The following ITGAL variants were observed in gnomAD, a reference collection of about 807,000 sequenced individuals.
The protein encoded by ITGAL is integrin subunit alpha L, also known as integrin alpha-L.
ITGAL carries 68 observed loss-of-function variants against 138.4 expected under a neutral mutation model. The ratio of observed to expected loss-of-function variants is 0.49; its 90% confidence interval spans 0.40 to 0.60. The LOEUF (loss-of-function observed/expected upper bound fraction) is 0.60, where lower values mean the gene tolerates loss of function less well. Among genes scored for constraint, ITGAL ranks in the 20% least tolerant of loss-of-function variants. ITGAL has a pLI of 0.00. For synonymous variants in ITGAL, 561 were observed against 584.3 expected (o/e 0.96, Z 0.57); for missense variants, 1,256 against 1,478.6 (o/e 0.85, Z 2.47).
At chr16:30,479,298 C>G (rs2050520238) in intron 5 of ITGAL, 33 bp from the exon 6 acceptor site, 1 of 1,613,624 alleles carries the variant, frequency 6.2e-7, no homozygotes, top group Non-Finnish European at 8.5e-7. Flanking sequence ...ACCAGAGATG[C>G]TTCACTGGGT....
intron 6 of ITGAL, 178 bp from the exon 7 acceptor site, chr16:30,481,261 G>T: frequency 3.8e-6 from 2 of 528,324 alleles, no homozygotes; most frequent in East Asian, 3.4e-5. Flanking sequence ...CATGAAAATC[G>T]CTGGAACCCG....
intron 15 of ITGAL, among the ~76,000 whole-genome samples, chr16:30,498,152 C>G (rs980459417): frequency 6.6e-6 from 1 of 151,256 alleles, no homozygotes; most frequent in Non-Finnish European, 1.5e-5. Flanking sequence ...TGTTGAAACC[C>G]CATCTCTACT....
At chr16:30,509,708 C>A (rs1380492240) in intron 21 of ITGAL, among the ~76,000 whole-genome samples, 2 of 152,024 alleles carry the variant, frequency 1.3e-5, no homozygotes, top group Non-Finnish European at 2.9e-5. Context: ...ATAGCTGGGA[C>A]AACAGGCACG....
In ITGAL at chr16:30,484,277, C is replaced by T; in HGVS notation, c.1006+14C>T. The T allele has an allele frequency of 6.2e-7, 1 of 1,608,856 alleles. No individual in the cohort carries two copies. Among genetic ancestry groups the T allele is most frequent in the African/African-American group, 1.3e-5 (1 of 74,908 alleles). On this transcript the variant is annotated intron_variant, in intron 9 of 30. Transcript: ENST00000356798. ...ATGTCATTGAGGGTGAGTGGCAGGC[C>T]CTGGGAGAGGGCTCGGGAGTCTGCA...
Position 30,499,449 on chromosome 16 carries a change from C to A in ITGAL, c.2105C>A (p.Thr702Asn), listed in dbSNP as rs756080216. 5 of 1,613,940 alleles carry A rather than the reference C, an allele frequency of 3.1e-6. No homozygotes were observed. The South Asian group carries it at 5.5e-5, about 18-fold the overall frequency. Reference sequence around the variant, plus strand: ...GAACTCAGAAGGAATATAGCTGTCACCACCAGCATGTCATGCACTGACTTC... The same window carrying A: ...GAACTCAGAAGGAATATAGCTGTCAACACCAGCATGTCATGCACTGACTTC... ...RHELRRNIAV[T>N]TSMSCTDFSF... The change falls in exon 17 of 31, where the codon ACC (threonine) becomes AAC (asparagine). Residue 702 changes from threonine to asparagine, a missense_variant. Thr to Asn is a moderately conservative substitution (Grantham distance 65, BLOSUM62 0). Around this residue, in one of 3 missense-constraint regions of ITGAL, gnomAD observed 867 missense variants for 972.5 expected, o/e 0.89. Coordinates refer to ENST00000356798, the MANE Select transcript of ITGAL (RefSeq NM_002209.3).
In ITGAL at chr16:30,505,237, C is replaced by G. The variant is rs375073085; in HGVS notation, c.2236-7C>G. 1.3e-6 allele frequency: 2 copies of G among 1,591,816 alleles called. No individual in the cohort carries two copies. The highest frequency in any genetic ancestry group is 2.7e-5 in the African/African-American group (2 of 74,422). ...TCTCTCCATCCTGCCCACTACCCCT[C>G]GCTCAGCAGGGCAAGGACATACCGC... On this transcript the variant is annotated splice_region_variant and splice_polypyrimidine_tract_variant and intron_variant, in intron 18 of 30. Transcript: ENST00000356798.
intron 9 of ITGAL, among the ~76,000 whole-genome samples, 166 bp downstream of exon 9, chr16:30,484,429 C>A (rs2050610017): frequency 6.6e-6 from 1 of 151,296 alleles, no homozygotes; most frequent in South Asian, 2.1e-4. Flanking sequence ...GGCAACATGG[C>A]AAAACCCCAT....
chr16:30,518,025 A>C, intron 28 of ITGAL, 130 bp downstream of exon 28: 1 of 719,338 alleles, frequency 1.4e-6, no homozygotes, highest in Non-Finnish European at 2.5e-6. Context: ...TCCCATTTAC[A>C]CAGTCACAGG....
chr16:30,510,758 C>T (rs2151171078), intron 22 of ITGAL, 123 bp from the exon 23 acceptor site: 2 of 802,396 alleles, frequency 2.5e-6, no homozygotes, highest in Non-Finnish European at 4.2e-6. Context: ...AATCCTAGCT[C>T]AGTGCTTGGG....
chr16:30,507,172 A>G (rs1311641312), intron 21 of ITGAL, among the ~76,000 whole-genome samples: 1 of 151,820 alleles, frequency 6.6e-6, no homozygotes, highest in African/African-American at 2.4e-5. Flanking sequence ...AAAAAATACA[A>G]AAATGGGCCG....
rs1334361456 is a variant in ITGAL at position 30,487,968 on chromosome 16, T to G, written c.1007-1114T>G. On this transcript the variant is annotated intron_variant, in intron 9 of 30. Coordinates refer to ENST00000356798, the MANE Select transcript of ITGAL (RefSeq NM_002209.3). ...CCTGACCTCAGGTAATCTGCTTGCCTTGGCCTCCCAAAGTGCTGGGATTAC... is the reference window on the plus strand; with the variant it reads ...CCTGACCTCAGGTAATCTGCTTGCCGTGGCCTCCCAAAGTGCTGGGATTAC... 2.0e-5 allele frequency among the ~76,000 whole-genome samples: 3 copies of G among 152,280 alleles called. No individual in the cohort carries two copies. In the South Asian group the frequency reaches 6.2e-4, roughly 32 times the overall value.
At chr16:30,516,067 C>T (rs1488484432) in intron 25 of ITGAL, among the ~76,000 whole-genome samples, 1 of 151,982 alleles carries the variant, frequency 6.6e-6, no homozygotes, top group East Asian at 1.9e-4. Context: ...TTCAAGTGTC[C>T]ACAAATGTTC....
chr16:30,505,019 A>G (rs567096581), intron 18 of ITGAL: 267 of 69,178 alleles, frequency 3.9e-3, no homozygotes, highest in Non-Finnish European at 5.7e-3. Context: ...AGACAGTCTT[A>G]AAAAAAAAAA....
Position 30,511,126 on chromosome 16 carries a change from C to T in ITGAL, c.2776C>T (p.Leu926Phe), listed in dbSNP as rs374199105. The T allele has an allele frequency of 1.3e-5, 21 of 1,612,736 alleles. No individual in the cohort carries two copies. Among genetic ancestry groups the T allele is most frequent in the Admixed American group, 1.7e-5 (1 of 59,988 alleles). Reference protein sequence around the residue: ...IIPILYPINILIQDQEDSTLY... With the variant: ...IIPILYPINIFIQDQEDSTLY... ...CCCCATCCTGTACCCCATCAACATC[C>T]TCATCCAGGAGTAAGTTCTTCCCAG... is the stretch of plus-strand genomic sequence containing the variant. The change falls in exon 24 of 31, where the codon CTC becomes TTC. Residue 926 changes from leucine (L) to phenylalanine (F), a missense_variant. Leu to Phe is a conservative substitution (Grantham distance 22, BLOSUM62 0). Coordinates refer to ENST00000356798, the MANE Select transcript of ITGAL (RefSeq NM_002209.3).
intron 4 of ITGAL, 123 bp downstream of exon 4, chr16:30,475,703 A>T: frequency 4.3e-6 from 2 of 470,450 alleles, no homozygotes; most frequent in South Asian, 3.6e-5. Context: ...AGAGTCAATT[A>T]GTGTTTATTG....
intron 11 of ITGAL, among the ~76,000 whole-genome samples, chr16:30,493,584 T>G (rs555439884): frequency 6.6e-6 from 1 of 152,216 alleles, no homozygotes; most frequent in South Asian, 2.1e-4. Flanking sequence ...ACTCCCATTT[T>G]AATTTATTAT....
At chr16:30,506,342 A>T (rs976220384) in intron 20 of ITGAL, among the ~76,000 whole-genome samples, 3 of 150,290 alleles carry the variant, frequency 2.0e-5, no homozygotes, top group Non-Finnish European at 4.4e-5. Flanking sequence ...TCACGAGGTC[A>T]GGAGATTGAG....
chr16:30,513,839 T>C lies in ITGAL; in HGVS notation c.2855T>C (p.Met952Thr), dbSNP rs533945018. 3.2e-5 allele frequency: 52 copies of C among 1,608,734 alleles called. 2 individuals carry two copies. In the South Asian group the frequency reaches 4.4e-4, roughly 14 times the overall value. ...KGPKIHQVKH[M>T]YQVRIQPSIH... ...CCCAAGATCCACCAAGTCAAGCACA[T>C]GTACCAGGTATGAATCCCAATGTGG... Residue 952 changes from methionine (M) to threonine (T), a missense_variant, in exon 25 of 31, where the codon ATG (methionine) becomes ACG (threonine). Physicochemically the swap from Met to Thr is moderately conservative, Grantham distance 81. This residue lies in a region of ITGAL where 867 missense variants were observed against 972.5 expected (regional missense o/e 0.89). Transcript: ENST00000356798.
chr16:30,494,479 G>C lies in ITGAL; in HGVS notation c.1365+116G>C. 1 of 1,209,572 alleles carries C rather than the reference G, an allele frequency of 8.3e-7. No individual in the cohort carries two copies. The highest frequency in any genetic ancestry group is 1.6e-5 in the South Asian group (1 of 62,706). 74.9% of individuals were successfully genotyped at this position (1,209,572 alleles called of 1,614,324 possible). A position where few individuals can be genotyped will look rare whatever the true frequency, so the allele number is the denominator to read the frequency against. The stretch of plus-strand genomic sequence containing the variant: ...ATGTGGCAGCCCCTGTGCTAAACAT[G>C]ATCACATTTATCCCTCATAACACAC... On this transcript the variant is annotated intron_variant, in intron 12 of 30. Coordinates refer to ENST00000356798, the MANE Select transcript of ITGAL (RefSeq NM_002209.3). The surrounding 1 kb of genome is among the most constrained non-coding windows in gnomAD (Gnocchi z 4.2).
Sources: gnomAD v4.1 joint callset for allele counts (sites outside exome capture counted in the v4.1 genomes callset) on GRCh38, gnomAD v4.1.1 for gene constraint, gnomAD v4.1.1 regional missense constraint, Gnocchi (gnomAD v3.1) non-coding constraint, MANE v1.5 for transcripts, NCBI Gene and HGNC (gene_info 2026-07-23, HGNC 2026-07-21) for gene names.